TMTC2: variants seen among roughly 807,000 people sequenced by gnomAD.
TMTC2 encodes protein O-mannosyl-transferase TMTC2.
A neutral mutation model predicts 82.4 loss-of-function variants in TMTC2; 43 were observed. That is an observed-to-expected ratio of 0.52 (90% confidence interval 0.41 to 0.67). The LOEUF is 0.67. TMTC2 is among the 30% of genes least tolerant of loss of function. The pLI is 0.00. For missense variants in TMTC2, 919 were observed against 1,012.4 expected, an observed-to-expected ratio of 0.91 and a Z score of 1.25; for synonymous variants, 408 against 381.9, an observed-to-expected ratio of 1.07 and a Z score of -0.80.
At chr12:82,923,812 T>C (rs1046809237) in intron 3 of TMTC2, among the ~76,000 whole-genome samples, 1 of 152,204 alleles carries the variant, frequency 6.6e-6, no homozygotes, top group African/African-American at 2.4e-5. Flanking sequence ...AATGTTAAAT[T>C]GCCCCATCCA....
At chr12:82,706,659 A>G (rs1046720898) in intron 1 of TMTC2, among the ~76,000 whole-genome samples, 4 of 152,222 alleles carry the variant, frequency 2.6e-5, no homozygotes, top group African/African-American at 9.6e-5. Context: ...AGTTAAGAAC[A>G]AAGATGAAAA....
rs1483337309 is a variant in TMTC2, at chr12:82,738,072, T to C, written c.83+50403T>C. Among the ~76,000 whole-genome samples the C allele has an allele frequency of 3.3e-5, 5 of 152,302 alleles. No homozygotes were observed. In the South Asian group the frequency reaches 1.0e-3, roughly 32 times the overall value. On this transcript the variant is annotated intron_variant, in intron 1 of 11. Transcript: ENST00000321196. ...AGTTGCTATGGTATTTTTATTGTTG[T>C]CTCCCTTAGAAATTTCCAGTTGTTC...
At chr12:82,960,553 T>C (rs1023447398) in intron 4 of TMTC2, among the ~76,000 whole-genome samples, 1 of 152,018 alleles carries the variant, frequency 6.6e-6, no homozygotes. Context: ...ATGTTTTCAC[T>C]TGGAAGTGGC....
At chr12:82,752,452 C>T (rs1282836951) in intron 1 of TMTC2, among the ~76,000 whole-genome samples, 1 of 152,096 alleles carries the variant, frequency 6.6e-6, no homozygotes, top group African/African-American at 2.4e-5. Context: ...TGCCATTGCA[C>T]TCCAGCCTGG....
intron 10 of TMTC2, among the ~76,000 whole-genome samples, chr12:83,052,031 G>C (rs962568110): frequency 1.3e-5 from 2 of 151,872 alleles, no homozygotes; most frequent in Non-Finnish European, 2.9e-5. Flanking sequence ...ATTCTTACTT[G>C]AATATCACTT....
intron 2 of TMTC2, among the ~76,000 whole-genome samples, chr12:82,865,272 C>T (rs969069039): frequency 2.6e-5 from 4 of 151,960 alleles, no homozygotes; most frequent in Non-Finnish European, 5.9e-5. Flanking sequence ...ACCCATGTCA[C>T]GTGCAGAGAC....
At chr12:83,087,632 A>G (rs1408885886) in intron 11 of TMTC2, among the ~76,000 whole-genome samples, 2 of 152,168 alleles carry the variant, frequency 1.3e-5, no homozygotes, top group Admixed American at 6.5e-5. Flanking sequence ...TTCCTTGTGC[A>G]TCTTCATTGG....
intron 7 of TMTC2, among the ~76,000 whole-genome samples, chr12:82,973,303 T>C (rs1329222041): frequency 6.6e-6 from 1 of 152,214 alleles, no homozygotes; most frequent in East Asian, 1.9e-4. Flanking sequence ...CTCTAATTTT[T>C]AAGATAAGTC....
At chr12:82,797,898 C>CT (rs956687074) in intron 1 of TMTC2, among the ~76,000 whole-genome samples, 1 of 148,632 alleles carries the variant, frequency 6.7e-6, no homozygotes. Context: ...TATTGTTCTG[C>CT]TTTTTTAGAG....
intron 4 of TMTC2, among the ~76,000 whole-genome samples, chr12:82,951,150 G>A (rs1877322988): frequency 6.6e-6 from 1 of 152,206 alleles, no homozygotes; most frequent in Admixed American, 6.5e-5. Flanking sequence ...GGAGACCTAT[G>A]TAATAGAATC....
intron 1 of TMTC2, among the ~76,000 whole-genome samples, chr12:82,715,818 A>C (rs1395823975): frequency 1.3e-5 from 2 of 152,168 alleles, no homozygotes; most frequent in Non-Finnish European, 2.9e-5. Context: ...TTGGTTTCTG[A>C]GCCCTAACAT....
chr12:83,069,612 G>A (rs1883037558), intron 11 of TMTC2, among the ~76,000 whole-genome samples: 1 of 152,152 alleles, frequency 6.6e-6, no homozygotes, highest in Non-Finnish European at 1.5e-5. Context: ...GAGATGTATA[G>A]ATTGTGCAGA....
intron 1 of TMTC2, among the ~76,000 whole-genome samples, chr12:82,798,495 C>CA (rs34277536): frequency 0.68 from 84,726 of 124,474 alleles, 29,072 homozygotes; most frequent in South Asian, 0.71. Context: ...AGACTCGTCT[C>CA]AAAAAAAAAA....
At chr12:82,742,175 A>G (rs1875446092) in intron 1 of TMTC2, among the ~76,000 whole-genome samples, 3 of 152,122 alleles carry the variant, frequency 2.0e-5, no homozygotes, top group Non-Finnish European at 4.4e-5. Context: ...GTACCATGGA[A>G]TGTGACCTCG....
intron 2 of TMTC2, among the ~76,000 whole-genome samples, chr12:82,872,125 G>A (rs61929559): frequency 0.04 from 5,994 of 150,908 alleles, 214 homozygotes; most frequent in East Asian, 0.19. Context: ...GTGTGAGTGT[G>A]TCTAGGCTCT....
intron 1 of TMTC2, among the ~76,000 whole-genome samples, chr12:82,825,280 C>G (rs1869348683): frequency 6.6e-6 from 1 of 152,020 alleles, no homozygotes; most frequent in African/African-American, 2.4e-5. Context: ...ACTGGAAATA[C>G]AAAGTATTTA....
intron 2 of TMTC2, among the ~76,000 whole-genome samples, chr12:82,877,755 A>G (rs1872650579): frequency 6.6e-6 from 1 of 152,178 alleles, no homozygotes; most frequent in Non-Finnish European, 1.5e-5. Flanking sequence ...TTTCTACAGT[A>G]AAGGATGGTC....
intron 1 of TMTC2, among the ~76,000 whole-genome samples, chr12:82,814,562 G>T (rs762673464): frequency 5.6e-4 from 85 of 152,184 alleles, no homozygotes; most frequent in Non-Finnish European, 1.6e-4. Flanking sequence ...TTATCTTGCA[G>T]TAGTATTCAC....
At chr12:83,047,881 C>G (rs1458524904) in intron 9 of TMTC2, among the ~76,000 whole-genome samples, 1 of 152,174 alleles carries the variant, frequency 6.6e-6, no homozygotes, top group African/African-American at 2.4e-5. Context: ...TGTTGTTGAA[C>G]AGCAAAGATG....
Sources: allele counts gnomAD v4.1 joint callset (sites outside exome capture counted in the v4.1 genomes callset), GRCh38; gene constraint gnomAD v4.1.1; transcripts MANE v1.5; gene names NCBI Gene and HGNC (gene_info 2026-07-23, HGNC 2026-07-21).